Variants in AK7 observed in about 807,000 individuals in gnomAD.
AK7 encodes adenylate kinase 7.
In AK7, 78 loss-of-function variants were observed where a neutral mutation model predicts 96.6. The observed-to-expected ratio is 0.81, with a 90% confidence interval of 0.67 to 0.97. AK7 has a LOEUF of 0.97. Ranked by LOEUF, AK7 falls within the 50% of genes least tolerant of loss-of-function variation. AK7 has a pLI of 0.00. For missense variants in AK7, 855 were observed against 887.9 expected (o/e 0.96, Z 0.47); for synonymous variants, 302 against 317.2 (o/e 0.95, Z 0.51).
At chr14:96,423,910 A>G in intron 5 of AK7, 1 of 1,048,440 alleles carries the variant, frequency 9.5e-7, no homozygotes, top group Non-Finnish European at 1.5e-6. Context: ...TAATCCGGAG[A>G]GGACTGTGCC....
chr14:96,450,710 T>A (rs1324556498), intron 9 of AK7, among the ~76,000 whole-genome samples: 2 of 151,880 alleles, frequency 1.3e-5, no homozygotes, highest in Non-Finnish European at 2.9e-5. Context: ...TATTATTGGT[T>A]TCCTTGAGGA....
At chr14:96,458,251 A>G in intron 12 of AK7, 39 bp downstream of exon 12, 1 of 1,586,716 alleles carries the variant, frequency 6.3e-7, no homozygotes, top group Non-Finnish European at 8.6e-7. Context: ...TGCTCTTGTG[A>G]ACAGTGGCTA....
At chr14:96,450,497 G>C (rs913894442) in intron 9 of AK7, among the ~76,000 whole-genome samples, 1 of 149,194 alleles carries the variant, frequency 6.7e-6, no homozygotes, top group African/African-American at 2.5e-5. Context: ...AATGCCATTC[G>C]AACACTGGGA....
Position 96,420,716 on chromosome 14 carries a change from G to A in AK7, c.499-106G>A, listed in dbSNP as rs558907723. 5.8e-4 allele frequency: 452 copies of A among 776,386 alleles called. 1 individual carries two copies. The highest frequency in any genetic ancestry group is 7.7e-4 in the Non-Finnish European group (376 of 488,360). The allele number at this position is 776,386 out of a possible 1,614,324, so 48.1% of individuals were successfully genotyped here. On this transcript the variant is annotated intron_variant, in intron 4 of 17. Coordinates refer to ENST00000267584, the MANE Select transcript of AK7 (RefSeq NM_152327.5). ...TCAAAAATAAAAAAATAAATCAAGC[G>A]GTAGTTTTAAGCTTTATTTGAGCTT...
rs1297359963 is a variant in AK7 at position 96,488,680 on chromosome 14, A to G, written c.*337A>G. ...AAGAAAATCAGACTATATATTGTAG[A>G]CTATGTATTATTCTAACATGTAGGC... On this transcript the variant is annotated 3_prime_UTR_variant, in exon 18 of 18. Transcript: ENST00000267584. The G allele has an allele frequency of 5.5e-6, 1 of 182,688 alleles. No individual in the cohort carries two copies. Among genetic ancestry groups the G allele is most frequent in the Non-Finnish European group, 1.1e-5 (1 of 87,612 alleles). 11.3% of individuals were successfully genotyped at this position (182,688 alleles called of 1,614,324 possible).
chr14:96,393,471 G>C (rs1284393983), intron 1 of AK7, among the ~76,000 whole-genome samples: 1 of 152,196 alleles, frequency 6.6e-6, no homozygotes, highest in Non-Finnish European at 1.5e-5. Context: ...GGTGTCAGCA[G>C]GGTTGGTTTC....
At chr14:96,427,547 C>A (rs756432115) in intron 5 of AK7, among the ~76,000 whole-genome samples, 24 of 152,236 alleles carry the variant, frequency 1.6e-4, no homozygotes, top group Non-Finnish European at 3.1e-4. Flanking sequence ...TTGGAGATTA[C>A]AATTCGACGT....
intron 1 of AK7, among the ~76,000 whole-genome samples, chr14:96,394,662 G>A (rs979741462): frequency 2.0e-5 from 3 of 152,148 alleles, no homozygotes; most frequent in African/African-American, 7.2e-5. Context: ...GCAGGGGTTA[G>A]GGGTTTTGTT....
At chr14:96,472,794 T>C (rs763218234) in intron 14 of AK7, 39 bp downstream of exon 14, 1 of 1,562,216 alleles carries the variant, frequency 6.4e-7, no homozygotes, top group African/African-American at 1.4e-5. Context: ...AAAAGAATGT[T>C]CTCTGGGCTG....
intron 17 of AK7, among the ~76,000 whole-genome samples, chr14:96,487,299 G>A (rs529489977): frequency 3.8e-4 from 54 of 141,368 alleles, no homozygotes; most frequent in Admixed American, 2.2e-3. Flanking sequence ...CAGGAGAATC[G>A]CTTGAACCCT....
chr14:96,428,568 G>A (rs1454805352), intron 5 of AK7, among the ~76,000 whole-genome samples: 2 of 152,130 alleles, frequency 1.3e-5, no homozygotes, highest in African/African-American at 2.4e-5. Context: ...GAACTAGTTT[G>A]CAGTCCCACC....
rs979540052 is a variant in AK7 at position 96,478,610 on chromosome 14, T to C, written c.1701T>C (p.Asp567=). Residue 567 remains aspartate (D), a synonymous_variant, in exon 15 of 18, where the codon GAT becomes GAC. Coordinates refer to ENST00000267584, the MANE Select transcript of AK7 (RefSeq NM_152327.5). ...LSNYRDINID[D]ETVFNYFDEL... ...ACTACCGGGACATCAATATCGACGATGAGACTGTCTTCAACTATTTTGATG... is the reference window on the plus strand; with the variant it reads ...ACTACCGGGACATCAATATCGACGACGAGACTGTCTTCAACTATTTTGATG... 4.3e-6 allele frequency: 7 copies of C among 1,614,062 alleles called. No individual in the cohort carries two copies. The African/African-American group carries it at 5.3e-5, about 12-fold the overall frequency.
chr14:96,442,803 T>C lies in AK7; in HGVS notation c.764T>C (p.Val255Ala). ...ACAAATGTAATTCCAACAATCCATGTTCTTGATCTAGCAGGGTAAGCATTC... is the reference window on the plus strand; with the variant it reads ...ACAAATGTAATTCCAACAATCCATGCTCTTGATCTAGCAGGGTAAGCATTC... ...DGTNVIPTIH[V>A]LDLAGVIQNV... The change falls in exon 7 of 18, where the codon GTT becomes GCT. Residue 255 changes from valine (V) to alanine (A), a missense_variant. By Grantham distance (64) the Val-to-Ala change is moderately conservative. Transcript: ENST00000267584. 6.2e-7 allele frequency: 1 copy of C among 1,614,086 alleles called. No individual in the cohort carries two copies. Among genetic ancestry groups the C allele is most frequent in the Non-Finnish European group, 8.5e-7 (1 of 1,179,874 alleles).
chr14:96,400,224 G>T (rs1890331717), intron 2 of AK7, among the ~76,000 whole-genome samples: 1 of 151,770 alleles, frequency 6.6e-6, no homozygotes, highest in Non-Finnish European at 1.5e-5. Flanking sequence ...ATCTTTAGTG[G>T]ATACATGGTT....
intron 8 of AK7, among the ~76,000 whole-genome samples, chr14:96,447,988 G>A (rs567570410): frequency 1.1e-4 from 16 of 151,868 alleles, no homozygotes; most frequent in Admixed American, 3.3e-4. Flanking sequence ...GAAATTAGCC[G>A]TGCATGGTGG....
chr14:96,488,389 A>G lies in AK7; in HGVS notation c.*46A>G. 6.6e-7 allele frequency: 1 copy of G among 1,513,818 alleles called. No homozygotes were observed. Among genetic ancestry groups the G allele is most frequent in the Non-Finnish European group, 8.9e-7 (1 of 1,118,270 alleles). 93.8% of individuals were successfully genotyped at this position (1,513,818 alleles called of 1,614,324 possible). A position where few individuals can be genotyped will look rare whatever the true frequency, so the allele number is the denominator to read the frequency against. Reference sequence around the variant, plus strand: ...ATCTACCTTTACAGAACCACAGATCACTTATTATACTTTGAAAAATTGCTT... The same window carrying G: ...ATCTACCTTTACAGAACCACAGATCGCTTATTATACTTTGAAAAATTGCTT... On this transcript the variant is annotated 3_prime_UTR_variant, in exon 18 of 18. Transcript: ENST00000267584.
At chr14:96,435,137 C>T (rs1033003487) in intron 5 of AK7, among the ~76,000 whole-genome samples, 2 of 152,144 alleles carry the variant, frequency 1.3e-5, no homozygotes, top group African/African-American at 4.8e-5. Flanking sequence ...ACAAAGTCCC[C>T]TTTACTGTTC....
chr14:96,439,804 G>T (rs1326897558), intron 6 of AK7, among the ~76,000 whole-genome samples: 3 of 152,128 alleles, frequency 2.0e-5, no homozygotes, highest in Non-Finnish European at 4.4e-5. Context: ...ACAGCCGCAG[G>T]TTCAAGAGGA....
chr14:96,438,832 AC>A (rs1215803984), intron 6 of AK7, among the ~76,000 whole-genome samples: 6 of 152,166 alleles, frequency 3.9e-5, no homozygotes, highest in African/African-American at 7.2e-5. Flanking sequence ...AGTGCCTAAG[AC>A]CTGGGTGGGC....
Sources: gnomAD v4.1 joint callset for allele counts (sites outside exome capture counted in the v4.1 genomes callset) on GRCh38, gnomAD v4.1.1 for gene constraint, MANE v1.5 for transcripts, NCBI Gene and HGNC (gene_info 2026-07-23, HGNC 2026-07-21) for gene names.